The following CNST variants were observed in gnomAD, a reference collection of about 807,000 sequenced individuals.
CNST encodes consortin.
A neutral mutation model predicts 72.4 loss-of-function variants in CNST; 39 were observed. The observed-to-expected ratio is 0.54, with a 90% CI of 0.42 to 0.70. The LOEUF (loss-of-function observed/expected upper bound fraction) is 0.70. Among genes scored for constraint, CNST ranks in the 30% least tolerant of loss-of-function variants. CNST has a pLI of 0.00. For missense variants in CNST, 871 were observed against 868.5 expected, an observed-to-expected ratio of 1.00 and a Z score of -0.04; for synonymous variants, 332 against 320.1, an observed-to-expected ratio of 1.04 and a Z score of -0.40.
intron 1 of CNST, among the ~76,000 whole-genome samples, chr1:246,566,958 G>T (rs1216375433): frequency 3.9e-5 from 6 of 152,144 alleles, no homozygotes; most frequent in Non-Finnish European, 8.8e-5. Context: ...AGGAGCCTGC[G>T]GCTTCCACGG....
intron 2 of CNST, among the ~76,000 whole-genome samples, chr1:246,616,704 G>A (rs375262269): frequency 7.9e-5 from 12 of 151,932 alleles, no homozygotes; most frequent in Admixed American, 7.2e-4. Context: ...ACATACATAC[G>A]CCACCACGCC....
chr1:246,587,584 C>T (rs1661275854), intron 1 of CNST, among the ~76,000 whole-genome samples: 1 of 152,120 alleles, frequency 6.6e-6, no homozygotes, highest in Non-Finnish European at 1.5e-5. Context: ...GTATTTAAAA[C>T]CAAATAAGCA....
chr1:246,652,119 G>A lies in CNST; in HGVS notation c.1836+4082G>A, dbSNP rs79904437. 1.1e-3 allele frequency among the ~76,000 whole-genome samples: 163 copies of A among 152,312 alleles called. 1 individual carries two copies. In the East Asian group the frequency reaches 0.025, roughly 24 times the overall value. On this transcript the variant is annotated intron_variant, in intron 9 of 10. Transcript: ENST00000366513. ...AATACCTATAATACACTGACGTGAT[G>A]ATTTTAGTGTCAGAACCCAAACCCC...
intron 2 of CNST, among the ~76,000 whole-genome samples, chr1:246,602,301 G>A (rs1572154752): frequency 6.6e-6 from 1 of 152,226 alleles, no homozygotes; most frequent in Non-Finnish European, 1.5e-5. Flanking sequence ...TCATCTCGTG[G>A]TTTTTGTGGG....
Position 246,575,968 on chromosome 1 carries a change from G to C in CNST, c.-52+9305G>C, listed in dbSNP as rs376117186. Among the ~76,000 whole-genome samples, 23 of 149,418 alleles carry C rather than the reference G, an allele frequency of 1.5e-4. No individual in the cohort carries two copies. The East Asian group carries it at 4.3e-3, about 28-fold the overall frequency. ...TCTCTGGGCGCGGTGGCTCGCGCCTGTAACGCCTGTAATCCCAGCACTTTG... is the reference window on the plus strand; with the variant it reads ...TCTCTGGGCGCGGTGGCTCGCGCCTCTAACGCCTGTAATCCCAGCACTTTG... On this transcript the variant is annotated intron_variant, in intron 1 of 10. Transcript: ENST00000366513.
At chr1:246,628,232 C>G (rs1447678048) in intron 3 of CNST, among the ~76,000 whole-genome samples, 1 of 152,102 alleles carries the variant, frequency 6.6e-6, no homozygotes, top group Non-Finnish European at 1.5e-5. Context: ...TCTCTTTTGG[C>G]AACACCCTCA....
At chr1:246,630,102 G>A (rs1376504434) in intron 3 of CNST, among the ~76,000 whole-genome samples, 1 of 152,168 alleles carries the variant, frequency 6.6e-6, no homozygotes, top group African/African-American at 2.4e-5. Flanking sequence ...TGCTAGTACT[G>A]ACATATGAGA....
At chr1:246,637,099 A>AT (rs754310916) in intron 6 of CNST, among the ~76,000 whole-genome samples, 5 of 152,146 alleles carry the variant, frequency 3.3e-5, no homozygotes, top group Non-Finnish European at 5.9e-5. Flanking sequence ...GAAAAAGAAA[A>AT]TTTTTTGGTT....
intron 3 of CNST, among the ~76,000 whole-genome samples, chr1:246,625,152 A>G (rs1239842080): frequency 6.6e-6 from 1 of 152,206 alleles, no homozygotes; most frequent in African/African-American, 2.4e-5. Context: ...TATTTAATAT[A>G]CAATCCATAT....
chr1:246,609,753 C>T (rs1037450643), intron 2 of CNST, among the ~76,000 whole-genome samples: 3 of 152,140 alleles, frequency 2.0e-5, no homozygotes, highest in Non-Finnish European at 2.9e-5. Flanking sequence ...AAATTATGCC[C>T]AAGATATGCA....
intron 9 of CNST, chr1:246,648,270 T>C: frequency 7.9e-7 from 1 of 1,263,500 alleles, no homozygotes; most frequent in Non-Finnish European, 1.0e-6. Context: ...TGCCTCCAGC[T>C]AGAGTGAGCG....
intron 2 of CNST, chr1:246,607,259 AG>A (rs2103051720): frequency 6.6e-6 from 1 of 151,970 alleles, no homozygotes; most frequent in African/African-American, 2.4e-5. Context: ...CTAGTAATTA[AG>A]GGGGAAGGTC....
rs529588302 is a variant in CNST at position 246,654,772 on chromosome 1, A to G, written c.1837-5427A>G. On this transcript the variant is annotated intron_variant, in intron 9 of 10. Transcript: ENST00000366513. Reference sequence around the variant, plus strand: ...TTATTTTCAGTGAAAAAGCTACATTACTCAAACAAGTATTTGCTAGGTGCT... The same window carrying G: ...TTATTTTCAGTGAAAAAGCTACATTGCTCAAACAAGTATTTGCTAGGTGCT... Among the ~76,000 whole-genome samples the G allele has an allele frequency of 5.3e-5, 8 of 152,008 alleles. No individual in the cohort carries two copies. In the East Asian group the frequency reaches 1.5e-3, roughly 29 times the overall value.
chr1:246,589,208 G>A (rs1661381512), intron 1 of CNST, among the ~76,000 whole-genome samples: 1 of 151,732 alleles, frequency 6.6e-6, no homozygotes, highest in South Asian at 2.1e-4. Flanking sequence ...TTGGTGTGCT[G>A]CACCCATTAA....
intron 3 of CNST, among the ~76,000 whole-genome samples, chr1:246,626,595 T>C (rs1459839365): frequency 6.6e-6 from 1 of 151,344 alleles, no homozygotes; most frequent in African/African-American, 2.4e-5. Flanking sequence ...TAGCTGGGAT[T>C]ACAGGCACGT....
chr1:246,633,315 G>A (rs1453694208), intron 4 of CNST, among the ~76,000 whole-genome samples: 1 of 152,022 alleles, frequency 6.6e-6, no homozygotes, highest in Non-Finnish European at 1.5e-5. Flanking sequence ...CGGGCATGAT[G>A]GTGCATGCCT....
chr1:246,641,322 C>G (rs1665675627), intron 6 of CNST, among the ~76,000 whole-genome samples: 1 of 152,166 alleles, frequency 6.6e-6, no homozygotes, highest in African/African-American at 2.4e-5. Context: ...TGGGTATTCC[C>G]TAACATTTAA....
Position 246,665,705 on chromosome 1 carries a change from G to T in CNST, c.1978G>T (p.Val660Phe), listed in dbSNP as rs1405386706. ...ACTCTTTCTCATGTTTGCAGATGAA[G>T]TTGGAGGTGGCTCCTGTATTTTGCT... is the stretch of plus-strand genomic sequence containing the variant. ...EIDDSLDQDE[V>F]GGGSCILLVL... Residue 660 changes from valine to phenylalanine, a missense_variant, in exon 11 of 11, where the codon GTT (valine) becomes TTT (phenylalanine). Coordinates refer to ENST00000366513, the MANE Select transcript of CNST (RefSeq NM_152609.3). The T allele has an allele frequency of 6.2e-7, 1 of 1,612,676 alleles. No individual in the cohort carries two copies. The highest frequency in any genetic ancestry group is 1.3e-5 in the African/African-American group (1 of 74,916).
chr1:246,668,490 G>A lies in CNST; in HGVS notation c.*2585G>A, dbSNP rs1015673436. 2 of 152,122 alleles carry A rather than the reference G, an allele frequency of 1.3e-5. No individual in the cohort carries two copies. Among genetic ancestry groups the A allele is most frequent in the Non-Finnish European group, 2.9e-5 (2 of 68,022 alleles). 9.4% of individuals were successfully genotyped at this position (152,122 alleles called of 1,614,324 possible). ...TAGGTCCTTAGGTAACGGCTCTTCT[G>A]CTTTAAAATACCTCCCCCATCTGCT... is the stretch of plus-strand genomic sequence containing the variant. On this transcript the variant is annotated 3_prime_UTR_variant, in exon 11 of 11. Coordinates refer to ENST00000366513, the MANE Select transcript of CNST (RefSeq NM_152609.3).
Sources: gnomAD v4.1 joint callset for allele counts (sites outside exome capture counted in the v4.1 genomes callset) on GRCh38, gnomAD v4.1.1 for gene constraint, MANE v1.5 for transcripts, NCBI Gene and HGNC (gene_info 2026-07-23, HGNC 2026-07-21) for gene names.